AHCYL2: variants seen among roughly 807,000 people sequenced by gnomAD.
The protein encoded by AHCYL2 is adenosylhomocysteinase like 2, also known as S-adenosylhomocysteine hydrolase-like protein 2.
Under a neutral mutation model 81.4 loss-of-function variants are expected in AHCYL2, and 28 were observed. The observed-to-expected ratio is 0.34, with a 90% CI of 0.25 to 0.47. The LOEUF is 0.47. AHCYL2 is among the 20% of genes least tolerant of loss of function. AHCYL2 has a pLI of 1.00. For synonymous variants in AHCYL2, 272 were observed against 290.2 expected (o/e 0.94, Z 0.64); for missense variants, 551 against 785.1 (o/e 0.70, Z 3.56).
chr7:129,259,945 A>G (rs1475096674), intron 1 of AHCYL2, among the ~76,000 whole-genome samples: 2 of 152,038 alleles, frequency 1.3e-5, no homozygotes, highest in African/African-American at 4.8e-5. Context: ...GCATGGTGGC[A>G]TGTGCCTGTA....
intron 1 of AHCYL2, among the ~76,000 whole-genome samples, chr7:129,317,635 C>T (rs1354867237): frequency 1.3e-5 from 2 of 152,166 alleles, no homozygotes; most frequent in Non-Finnish European, 1.5e-5. Flanking sequence ...TGCTCAGTCA[C>T]TGGCTGGGAG....
intron 10 of AHCYL2, among the ~76,000 whole-genome samples, chr7:129,407,327 G>C (rs1423147958): frequency 1.3e-5 from 2 of 152,150 alleles, no homozygotes; most frequent in African/African-American, 4.8e-5. Context: ...GCTCCAGCCT[G>C]GGTGACCCAG....
intron 13 of AHCYL2, among the ~76,000 whole-genome samples, chr7:129,423,427 A>G (rs1196606221): frequency 6.6e-6 from 1 of 152,176 alleles, no homozygotes; most frequent in Non-Finnish European, 1.5e-5. Context: ...CTAGATATCA[A>G]TTGCTCAATT....
intron 1 of AHCYL2, among the ~76,000 whole-genome samples, chr7:129,357,560 C>T (rs1291150861): frequency 6.6e-6 from 1 of 152,128 alleles, no homozygotes; most frequent in Non-Finnish European, 1.5e-5. Context: ...TAAAGACTGA[C>T]AACCCAATAG....
intron 2 of AHCYL2, among the ~76,000 whole-genome samples, chr7:129,384,645 G>A (rs1476876392): frequency 1.3e-5 from 2 of 152,106 alleles, no homozygotes; most frequent in Admixed American, 6.5e-5. Flanking sequence ...CTCTAGCCTC[G>A]TCTCCCTTCC....
intron 2 of AHCYL2, among the ~76,000 whole-genome samples, chr7:129,386,327 G>A (rs969232701): frequency 2.6e-5 from 4 of 152,084 alleles, no homozygotes; most frequent in South Asian, 2.1e-4. Flanking sequence ...GCCAGGCACC[G>A]TGGTGGGCTC....
chr7:129,309,333 G>T (rs1223376653), intron 1 of AHCYL2, among the ~76,000 whole-genome samples: 1 of 152,162 alleles, frequency 6.6e-6, no homozygotes, highest in African/African-American at 2.4e-5. Flanking sequence ...GAGGCTAAGA[G>T]TTTGAGATCA....
At chr7:129,309,915 C>T (rs1174621050) in intron 1 of AHCYL2, among the ~76,000 whole-genome samples, 1 of 152,154 alleles carries the variant, frequency 6.6e-6, no homozygotes, top group African/African-American at 2.4e-5. Flanking sequence ...ATACAACCCA[C>T]CTTGGATCTG....
At chr7:129,260,093 A>G (rs1368646633) in intron 1 of AHCYL2, among the ~76,000 whole-genome samples, 2 of 151,498 alleles carry the variant, frequency 1.3e-5, no homozygotes, top group Admixed American at 1.3e-4. Context: ...AAAAAAAAAA[A>G]GCTGATATAA....
At chr7:129,265,595 GAGTA>G (rs1221839507) in intron 1 of AHCYL2, among the ~76,000 whole-genome samples, 4 of 152,142 alleles carry the variant, frequency 2.6e-5, no homozygotes, top group Non-Finnish European at 4.4e-5. Flanking sequence ...AGCTGGAGTA[GAGTA>G]AGTAAGGGGG....
At chr7:129,245,391 A>G (rs1298361543) in intron 1 of AHCYL2, among the ~76,000 whole-genome samples, 2 of 152,218 alleles carry the variant, frequency 1.3e-5, no homozygotes, top group African/African-American at 2.4e-5. Context: ...TTTTAAGTGC[A>G]TAGTTCAGTG....
intron 1 of AHCYL2, among the ~76,000 whole-genome samples, chr7:129,328,997 T>A (rs921468121): frequency 6.6e-6 from 1 of 152,198 alleles, no homozygotes; most frequent in Admixed American, 6.5e-5. Flanking sequence ...TTAAATTTTT[T>A]AAAATGAAAT....
At chr7:129,378,316 A>AT (rs576018466) in intron 1 of AHCYL2, among the ~76,000 whole-genome samples, 39 of 152,242 alleles carry the variant, frequency 2.6e-4, no homozygotes, top group African/African-American at 8.9e-4. Context: ...ATCTAAAAAA[A>AT]AAAAAATAAA....
chr7:129,399,724 CTT>C (rs778217871), intron 5 of AHCYL2, among the ~76,000 whole-genome samples: 13 of 122,368 alleles, frequency 1.1e-4, no homozygotes, highest in African/African-American at 2.9e-4. Context: ...CCTTTAGTCA[CTT>C]TTTTTTTTTT....
At chr7:129,275,957 T>G (rs1202527004) in intron 1 of AHCYL2, among the ~76,000 whole-genome samples, 1 of 152,044 alleles carries the variant, frequency 6.6e-6, no homozygotes, top group East Asian at 1.9e-4. Flanking sequence ...TAGGGAGTTT[T>G]AAAAAAATTG....
intron 1 of AHCYL2, among the ~76,000 whole-genome samples, chr7:129,313,423 C>G (rs1047837543): frequency 6.6e-6 from 1 of 152,084 alleles, no homozygotes; most frequent in African/African-American, 2.4e-5. Context: ...GTGTTCTGGC[C>G]GTGAGTGTGG....
At chr7:129,366,305 C>G (rs903416402) in intron 1 of AHCYL2, among the ~76,000 whole-genome samples, 14 of 152,170 alleles carry the variant, frequency 9.2e-5, no homozygotes, top group African/African-American at 3.1e-4. Flanking sequence ...CCAGTCAAAC[C>G]TCTGGCCATT....
At chr7:129,258,122 T>C (rs1795486470) in intron 1 of AHCYL2, among the ~76,000 whole-genome samples, 1 of 152,188 alleles carries the variant, frequency 6.6e-6, no homozygotes, top group African/African-American at 2.4e-5. Context: ...GTGTCTCCCA[T>C]TCTCCCATTG....
chr7:129,418,081 C>T (rs1279969288), intron 12 of AHCYL2, among the ~76,000 whole-genome samples: 1 of 152,084 alleles, frequency 6.6e-6, no homozygotes, highest in Non-Finnish European at 1.5e-5. Flanking sequence ...GAGGGAGACA[C>T]CTGCTTGATG....
Sources: gnomAD v4.1 joint callset for allele counts (sites outside exome capture counted in the v4.1 genomes callset) on GRCh38, gnomAD v4.1.1 for gene constraint, MANE v1.5 for transcripts, NCBI Gene and HGNC (gene_info 2026-07-23, HGNC 2026-07-21) for gene names.